The following RAB28 variants were observed in gnomAD, a reference collection of about 807,000 sequenced individuals.
RAB28 encodes the protein ras-related protein Rab-28.
A neutral mutation model predicts 31.7 loss-of-function variants in RAB28; 24 were observed. The ratio of observed to expected loss-of-function variants is 0.76; its 90% CI spans 0.55 to 1.06. RAB28 has a LOEUF of 1.06. Among genes scored for constraint, RAB28 ranks in the 50% least tolerant of loss-of-function variants. The pLI, the probability that RAB28 is intolerant of heterozygous loss-of-function variation, is 0.00. For missense variants in RAB28, 254 were observed against 258.5 expected (o/e 0.98, Z 0.12); for synonymous variants, 100 against 90.4 (o/e 1.11, Z -0.60).
rs1352004461 is a variant in RAB28 at position 13,376,637 on chromosome 4, T to C, written c.496-15A>G. 1.9e-6 allele frequency: 3 copies of C among 1,557,458 alleles called. No homozygotes were observed. Among genetic ancestry groups the C allele is most frequent in the Admixed American group, 1.9e-5 (1 of 51,398 alleles). On this transcript the variant is annotated splice_polypyrimidine_tract_variant and intron_variant, in intron 5 of 6. Transcript: ENST00000330852. ...CACAGGAAGACCTACATAACAAAAA[T>C]GGGTTTAAATGATTTAAAAGAGGCA...
At chr4:13,390,084 A>G (rs1245613322) in intron 4 of RAB28, among the ~76,000 whole-genome samples, 2 of 152,058 alleles carry the variant, frequency 1.3e-5, no homozygotes, top group East Asian at 3.9e-4. Flanking sequence ...AAGAAATATA[A>G]GGTATTAAAT....
intron 4 of RAB28, among the ~76,000 whole-genome samples, chr4:13,405,535 G>C (rs1712029699): frequency 6.6e-6 from 1 of 152,066 alleles, no homozygotes; most frequent in African/African-American, 2.4e-5. Flanking sequence ...CTGACTACAA[G>C]ATTAAAAACT....
chr4:13,422,393 G>A (rs11937277), intron 4 of RAB28, among the ~76,000 whole-genome samples: 14,288 of 152,156 alleles, frequency 0.094, 1,325 homozygotes, highest in African/African-American at 0.24. Flanking sequence ...CCATCCCATT[G>A]TTGGGTATAT....
At position 13,430,314 on chromosome 4, in the gene RAB28, G is replaced by GGGA. The variant is rs200008431; in HGVS notation, c.391+30382_391+30384dup. Among the ~76,000 whole-genome samples, 1,230 of 152,192 alleles carry GGGA rather than the reference G, an allele frequency of 8.1e-3. 11 individuals carry two copies. Among genetic ancestry groups the GGGA allele is most frequent in the Non-Finnish European group, 0.013 (917 of 68,004 alleles). Reference sequence around the variant, plus strand: ...CATTCCAAAAGGAAAACTAAAGGAGGGGAGCAGGATCTGTTGGAATGCCTA... The same window carrying GGGA: ...CATTCCAAAAGGAAAACTAAAGGAGGGGAGGAGCAGGATCTGTTGGAATGCCTA... On this transcript the variant is annotated intron_variant, in intron 4 of 6. Transcript: ENST00000330852.
chr4:13,467,431 T>A (rs1715913692), intron 3 of RAB28, among the ~76,000 whole-genome samples: 1 of 151,828 alleles, frequency 6.6e-6, no homozygotes, highest in African/African-American at 2.4e-5. Context: ...TTAATTGATA[T>A]AAAATACAAC....
intron 1 of RAB28, among the ~76,000 whole-genome samples, chr4:13,480,135 A>AT (rs946958998): frequency 2.0e-5 from 3 of 151,798 alleles, no homozygotes; most frequent in Non-Finnish European, 4.4e-5. Flanking sequence ...GACAAAATGA[A>AT]TATTTTCCAT....
chr4:13,471,607 T>A (rs1380824538), intron 3 of RAB28, among the ~76,000 whole-genome samples: 3 of 151,964 alleles, frequency 2.0e-5, no homozygotes, highest in Non-Finnish European at 4.4e-5. Context: ...ACTCACGTGA[T>A]CCTCCCATAT....
intron 3 of RAB28, among the ~76,000 whole-genome samples, chr4:13,465,782 C>T (rs1715814146): frequency 6.6e-6 from 1 of 151,472 alleles, no homozygotes; most frequent in South Asian, 2.1e-4. Context: ...CACACACACA[C>T]ACACACAGCT....
At chr4:13,441,508 T>C (rs1714413961) in intron 4 of RAB28, among the ~76,000 whole-genome samples, 1 of 152,234 alleles carries the variant, frequency 6.6e-6, no homozygotes, top group Admixed American at 6.5e-5. Context: ...GACAATTCTG[T>C]AAATCAATGT....
chr4:13,465,519 A>T (rs948515097), intron 3 of RAB28, among the ~76,000 whole-genome samples: 9 of 124,610 alleles, frequency 7.2e-5, no homozygotes, highest in African/African-American at 1.7e-4. Flanking sequence ...CAGAAAATTT[A>T]AAAAAAAAAC....
intron 4 of RAB28, among the ~76,000 whole-genome samples, chr4:13,441,342 A>G: frequency 6.6e-6 from 1 of 152,334 alleles, no homozygotes; most frequent in Admixed American, 6.5e-5. Flanking sequence ...AGCCTAATTA[A>G]TTACCTAAAA....
chr4:13,467,184 T>C (rs1224155230), intron 3 of RAB28, among the ~76,000 whole-genome samples: 3 of 151,924 alleles, frequency 2.0e-5, no homozygotes, highest in Non-Finnish European at 4.4e-5. Context: ...GTTCTCAACA[T>C]AAAAAAGTTA....
chr4:13,371,567 A>G, intron 6 of RAB28: 1 of 985,218 alleles, frequency 1.0e-6, no homozygotes, highest in Non-Finnish European at 1.2e-6. Context: ...AATTAACAAG[A>G]CAGCATCATT....
rs1411297874 is a variant in RAB28 at position 13,368,213 on chromosome 4, A to T, written c.*345T>A. 1.0e-6 allele frequency: 1 copy of T among 995,848 alleles called. No homozygotes were observed. Among genetic ancestry groups the T allele is most frequent in the Non-Finnish European group, 1.2e-6 (1 of 837,138 alleles). 61.7% of individuals were successfully genotyped at this position (995,848 alleles called of 1,614,324 possible). A position where few individuals can be genotyped will look rare whatever the true frequency, so the allele number is the denominator to read the frequency against. ...TGCTGTGGCAAAATCCTGGCTGATG[A>T]TCAAGACTTGGAGAGTTTTCATATT... is the stretch of plus-strand genomic sequence containing the variant. On this transcript the variant is annotated 3_prime_UTR_variant, in exon 7 of 7. Transcript: ENST00000330852.
intron 4 of RAB28, among the ~76,000 whole-genome samples, chr4:13,444,680 G>C (rs191780055): frequency 6.6e-6 from 1 of 152,106 alleles, no homozygotes; most frequent in Admixed American, 6.5e-5. Flanking sequence ...TTGTCTTTTT[G>C]ATAACAGCCA....
intron 4 of RAB28, among the ~76,000 whole-genome samples, chr4:13,390,466 A>G (rs1391664823): frequency 6.6e-6 from 1 of 152,212 alleles, no homozygotes; most frequent in African/African-American, 2.4e-5. Flanking sequence ...GGAAGAATCA[A>G]TATCATGAAA....
In RAB28 at chr4:13,393,083, G is replaced by A. The variant is rs1729717678; in HGVS notation, c.392-11489C>T. Reference sequence around the variant, plus strand: ...ACAATTTATGTAGTGCTAAAAGCTGGGAAGGCTAAGAGGGACACAAATAAA... The same window carrying A: ...ACAATTTATGTAGTGCTAAAAGCTGAGAAGGCTAAGAGGGACACAAATAAA... On this transcript the variant is annotated intron_variant, in intron 4 of 6. Transcript: ENST00000330852. 2.6e-5 allele frequency among the ~76,000 whole-genome samples: 4 copies of A among 152,276 alleles called. No individual in the cohort carries two copies. In the South Asian group the frequency reaches 8.3e-4, roughly 32 times the overall value.
intron 6 of RAB28, among the ~76,000 whole-genome samples, chr4:13,374,449 C>T (rs928186007): frequency 1.2e-4 from 18 of 152,116 alleles, no homozygotes; most frequent in Non-Finnish European, 4.4e-5. Flanking sequence ...TGTTTCATTT[C>T]TCCAGAGGTC....
intron 6 of RAB28, chr4:13,371,551 A>G: frequency 3.0e-6 from 3 of 985,184 alleles, no homozygotes; most frequent in Non-Finnish European, 2.4e-6. Flanking sequence ...CATCAAATTA[A>G]TGAAGAATTA....
Sources: gnomAD v4.1 joint callset for allele counts (sites outside exome capture counted in the v4.1 genomes callset) on GRCh38, gnomAD v4.1.1 for gene constraint, MANE v1.5 for transcripts, NCBI Gene and HGNC (gene_info 2026-07-23, HGNC 2026-07-21) for gene names.